SLC44A3: variants seen among roughly 807,000 people sequenced by gnomAD.
SLC44A3 encodes choline transporter-like protein 3.
SLC44A3 carries 74 observed loss-of-function variants against 75.4 expected under a neutral mutation model. The ratio of observed to expected loss-of-function variants is 0.98; its 90% CI spans 0.81 to 1.19. The LOEUF (loss-of-function observed/expected upper bound fraction) is 1.19. SLC44A3 is among the 50% of genes most tolerant of loss of function. The pLI is 0.00. For synonymous variants in SLC44A3, 310 were observed against 296.9 expected (o/e 1.04, Z -0.45); for missense variants, 700 against 778.6 (o/e 0.90, Z 1.20).
chr1:94,887,263 G>A (rs987753235), intron 12 of SLC44A3, among the ~76,000 whole-genome samples: 1 of 152,106 alleles, frequency 6.6e-6, no homozygotes, highest in African/African-American at 2.4e-5. Flanking sequence ...CTCAGAATAA[G>A]TATAAATTAG....
chr1:94,874,672 C>CCA (rs1222317377), intron 12 of SLC44A3, among the ~76,000 whole-genome samples: 6 of 152,326 alleles, frequency 3.9e-5, no homozygotes, highest in Admixed American at 3.9e-4. Context: ...AGAATACCAG[C>CCA]CACTCACTGG....
chr1:94,828,112 C>T (rs1661621853), intron 4 of SLC44A3, among the ~76,000 whole-genome samples: 1 of 152,166 alleles, frequency 6.6e-6, no homozygotes, highest in Admixed American at 6.5e-5. Flanking sequence ...ACCAGAAGCA[C>T]TTGTATAACT....
intron 10 of SLC44A3, among the ~76,000 whole-genome samples, chr1:94,860,705 T>G (rs2101345114): frequency 6.6e-6 from 1 of 152,344 alleles, no homozygotes; most frequent in East Asian, 1.9e-4. Flanking sequence ...ATACCTATTC[T>G]TACTACCAGT....
rs371262661 is a variant in SLC44A3, at chr1:94,891,118, C to T, written c.1483-12C>T. 270 of 1,588,800 alleles carry T rather than the reference C, an allele frequency of 1.7e-4. No individual in the cohort carries two copies. The highest frequency in any genetic ancestry group is 3.4e-4 in the Middle Eastern group (2 of 5,882). ...TAAGAATTATCTTTTAAACAATTCT[C>T]TTCTGTTTCAGAATGCATATACTAC... On this transcript the variant is annotated splice_polypyrimidine_tract_variant and intron_variant, in intron 12 of 14. Coordinates refer to ENST00000271227, the MANE Select transcript of SLC44A3 (RefSeq NM_001114106.3).
chr1:94,885,809 A>G (rs859070), intron 12 of SLC44A3, among the ~76,000 whole-genome samples: 117,773 of 152,136 alleles, frequency 0.77, 46,157 homozygotes, highest in Non-Finnish European at 0.84. Flanking sequence ...CCTGGCACAT[A>G]GTACATGCAA....
In SLC44A3 at chr1:94,837,704, T is replaced by C. The variant is rs1218096114; in HGVS notation, c.510-7T>C. ...CATTTTTGCCATCTTTTTTTCTCTATTTTTAGCAAGTCATTTCCCTTATTT... is the reference window on the plus strand; with the variant it reads ...CATTTTTGCCATCTTTTTTTCTCTACTTTTAGCAAGTCATTTCCCTTATTT... On this transcript the variant is annotated splice_region_variant and splice_polypyrimidine_tract_variant and intron_variant, in intron 5 of 14. Transcript: ENST00000271227. 1 of 1,555,804 alleles carries C rather than the reference T, an allele frequency of 6.4e-7. No individual in the cohort carries two copies. The highest frequency in any genetic ancestry group is 2.1e-5 in the Admixed American group (1 of 46,824).
rs1438346517 is a variant in SLC44A3 at position 94,824,511 on chromosome 1, T to C, written c.154T>C (p.Ser52Pro). The change falls in exon 3 of 15, where the codon TCG (serine) becomes CCG (proline). Residue 52 changes from serine (S) to proline (P), a missense_variant. By Grantham distance (74) the Ser-to-Pro change is moderately conservative. Coordinates refer to ENST00000271227, the MANE Select transcript of SLC44A3 (RefSeq NM_001114106.3). ...WTGLVFIMGYSVVAGAAGRLL... is the reference protein window; with the variant it reads ...WTGLVFIMGYPVVAGAAGRLL... ...TTGCCAGGTGTTTATCATGGGCTAC[T>C]CGGTGGTGGCTGGAGCCGCGGGAAG... is the stretch of plus-strand genomic sequence containing the variant. 4 of 1,607,092 alleles carry C rather than the reference T, an allele frequency of 2.5e-6. No homozygotes were observed. The highest frequency in any genetic ancestry group is 1.7e-5 in the Admixed American group (1 of 57,662).
At position 94,895,068 on chromosome 1, in the gene SLC44A3, A is replaced by G; in HGVS notation, c.*146A>G. The stretch of plus-strand genomic sequence containing the variant: ...ATTCTTCCTCATTGTCTTTGTCATT[A>G]TTGTTTGACCAGGTAACAATACTGG... On this transcript the variant is annotated 3_prime_UTR_variant, in exon 15 of 15. Transcript: ENST00000271227. 1 of 614,042 alleles carries G rather than the reference A, an allele frequency of 1.6e-6. No homozygotes were observed. The highest frequency in any genetic ancestry group is 2.3e-5 in the South Asian group (1 of 42,776). The allele number at this position is 614,042 out of a possible 1,614,324, so 38.0% of individuals were successfully genotyped here. A position where few individuals can be genotyped will look rare whatever the true frequency, so the allele number is the denominator to read the frequency against.
chr1:94,864,721 C>T, intron 10 of SLC44A3, 22 bp from the exon 11 acceptor site: 1 of 1,606,114 alleles, frequency 6.2e-7, no homozygotes, highest in Non-Finnish European at 8.5e-7. Flanking sequence ...TTTTAAAATG[C>T]TATCCTTTTC....
At chr1:94,863,547 A>T (rs1666832683) in intron 10 of SLC44A3, among the ~76,000 whole-genome samples, 1 of 152,208 alleles carries the variant, frequency 6.6e-6, no homozygotes, top group Non-Finnish European at 1.5e-5. Context: ...AAAAAAAAGA[A>T]AAATGAGGGA....
chr1:94,878,331 C>A (rs961515067), intron 12 of SLC44A3, among the ~76,000 whole-genome samples: 7 of 152,100 alleles, frequency 4.6e-5, no homozygotes, highest in Non-Finnish European at 8.8e-5. Context: ...AGTGCCCTGT[C>A]CCCAGTCCCC....
intron 5 of SLC44A3, 143 bp downstream of exon 5, chr1:94,828,729 G>A: frequency 3.2e-6 from 2 of 630,056 alleles, no homozygotes; most frequent in Non-Finnish European, 5.3e-6. Context: ...ACGGAGGCCA[G>A]CGATAAAAAC....
At chr1:94,853,381 T>C (rs527521822) in intron 9 of SLC44A3, among the ~76,000 whole-genome samples, 5 of 152,332 alleles carry the variant, frequency 3.3e-5, no homozygotes, top group Admixed American at 6.5e-5. Context: ...GGAATTTCAC[T>C]GTTAAAAGGA....
At chr1:94,823,411 A>G (rs1358183837) in intron 2 of SLC44A3, among the ~76,000 whole-genome samples, 1 of 152,166 alleles carries the variant, frequency 6.6e-6, no homozygotes, top group African/African-American at 2.4e-5. Flanking sequence ...TAGACTTAGG[A>G]GGATCTTGGA....
intron 12 of SLC44A3, among the ~76,000 whole-genome samples, chr1:94,869,220 A>G (rs902391527): frequency 4.6e-5 from 7 of 152,232 alleles, no homozygotes; most frequent in Non-Finnish European, 7.3e-5. Flanking sequence ...ATCCAGGACC[A>G]TTTCCCTTGG....
At position 94,864,830 on chromosome 1, in the gene SLC44A3, A is replaced by G. The variant is rs746285945; in HGVS notation, c.1326A>G (p.Ser442=). The change falls in exon 11 of 15, where the codon TCA becomes TCG. Residue 442 remains serine (S), a synonymous_variant. Coordinates refer to ENST00000271227, the MANE Select transcript of SLC44A3 (RefSeq NM_001114106.3). ...ATCAAGGAACCGTTGTGAAAGGGTC[A>G]TTTTTAATCTCTGTGGTGAGGATTC... ...FYHQGTVVKG[S]FLISVVRIPR... 1 of 1,613,912 alleles carries G rather than the reference A, an allele frequency of 6.2e-7. No homozygotes were observed. Among genetic ancestry groups the G allele is most frequent in the African/African-American group, 1.3e-5 (1 of 74,914 alleles).
intron 5 of SLC44A3, 36 bp from the exon 6 acceptor site, chr1:94,837,675 T>G: frequency 6.5e-7 from 1 of 1,535,396 alleles, no homozygotes; most frequent in Non-Finnish European, 8.7e-7. Context: ...AAATGTTAAA[T>G]AAACATTTTT....
intron 12 of SLC44A3, among the ~76,000 whole-genome samples, chr1:94,870,616 A>C (rs1479498144): frequency 6.6e-6 from 1 of 152,160 alleles, no homozygotes; most frequent in African/African-American, 2.4e-5. Context: ...GCAATAAACT[A>C]TTTTGCCAGT....
chr1:94,888,735 G>GTTTTTTTTTTT (rs1553212878), intron 12 of SLC44A3: 3 of 837,034 alleles, frequency 3.6e-6, no homozygotes, highest in African/African-American at 7.6e-5. Context: ...CCAGCCTTTT[G>GTTTTTTTTTTT]TCTTTTTTTT....
Sources: allele counts gnomAD v4.1 joint callset (sites outside exome capture counted in the v4.1 genomes callset), GRCh38; gene constraint gnomAD v4.1.1; transcripts MANE v1.5; gene names NCBI Gene and HGNC (gene_info 2026-07-23, HGNC 2026-07-21).